Variants in NWD2 observed in about 807,000 individuals in gnomAD.
NWD2 encodes the protein NACHT and WD repeat domain-containing protein 2.
Under a neutral mutation model 132.7 loss-of-function variants are expected in NWD2, and 37 were observed. The ratio of observed to expected loss-of-function variants is 0.28; its 90% CI spans 0.21 to 0.37. The LOEUF is 0.37. NWD2 is among the 10% of genes least tolerant of loss of function. NWD2 has a pLI of 1.00. For synonymous variants in NWD2, 705 were observed against 803.0 expected, an observed-to-expected ratio of 0.88 and a Z score of 2.06; for missense variants, 1,592 against 2,122.4, an observed-to-expected ratio of 0.75 and a Z score of 4.91.
intron 2 of NWD2, among the ~76,000 whole-genome samples, chr4:37,352,462 T>G (rs1719789763): frequency 6.6e-6 from 1 of 152,116 alleles, no homozygotes; most frequent in South Asian, 2.1e-4. Flanking sequence ...GACAGAGGGG[T>G]GTTGAAGTCT....
chr4:37,299,380 G>A (rs1369790725), intron 1 of NWD2, among the ~76,000 whole-genome samples: 6 of 151,938 alleles, frequency 3.9e-5, no homozygotes, highest in Non-Finnish European at 2.9e-5. Context: ...TAAACTCCAT[G>A]TCTTTTTCTG....
intron 1 of NWD2, among the ~76,000 whole-genome samples, chr4:37,298,321 T>C (rs1446518457): frequency 6.6e-6 from 1 of 152,158 alleles, no homozygotes; most frequent in Non-Finnish European, 1.5e-5. Context: ...GCCATGTCTG[T>C]TTGATTATGG....
At chr4:37,308,384 C>T (rs373748713) in intron 1 of NWD2, among the ~76,000 whole-genome samples, 1 of 152,122 alleles carries the variant, frequency 6.6e-6, no homozygotes. Context: ...CCTATGAGTG[C>T]TTTAGTAGCC....
chr4:37,261,966 A>G (rs1209431474), intron 1 of NWD2, among the ~76,000 whole-genome samples: 1 of 152,254 alleles, frequency 6.6e-6, no homozygotes, highest in African/African-American at 2.4e-5. Context: ...GTGGCAGAGC[A>G]TGACTGGGGT....
At chr4:37,393,958 A>G (rs1720729308) in intron 3 of NWD2, among the ~76,000 whole-genome samples, 2 of 152,234 alleles carry the variant, frequency 1.3e-5, no homozygotes, top group African/African-American at 2.4e-5. Context: ...ATGGACCTGC[A>G]AACATGAGTG....
intron 4 of NWD2, among the ~76,000 whole-genome samples, chr4:37,431,285 A>G (rs1323028815): frequency 6.6e-6 from 1 of 152,222 alleles, no homozygotes; most frequent in African/African-American, 2.4e-5. Flanking sequence ...AAGAAAATGT[A>G]GAAGGAAATT....
intron 1 of NWD2, among the ~76,000 whole-genome samples, chr4:37,279,570 G>C (rs896673525): frequency 8.5e-5 from 13 of 152,100 alleles, no homozygotes; most frequent in Non-Finnish European, 1.5e-4. Flanking sequence ...GCATTATCTT[G>C]AAAATAATAT....
At chr4:37,337,780 T>C (rs1719440153) in intron 2 of NWD2, among the ~76,000 whole-genome samples, 1 of 152,194 alleles carries the variant, frequency 6.6e-6, no homozygotes, top group Non-Finnish European at 1.5e-5. Flanking sequence ...TCCATAGTTG[T>C]GTGAGGACAA....
chr4:37,288,090 C>A (rs1290554558), intron 1 of NWD2, among the ~76,000 whole-genome samples: 1 of 152,060 alleles, frequency 6.6e-6, no homozygotes, highest in Non-Finnish European at 1.5e-5. Flanking sequence ...TGTTCTCACT[C>A]GTAAGTGAGA....
intron 1 of NWD2, among the ~76,000 whole-genome samples, chr4:37,318,259 C>A (rs1718998858): frequency 6.6e-6 from 1 of 151,910 alleles, no homozygotes; most frequent in Non-Finnish European, 1.5e-5. Context: ...ACTCCTGACT[C>A]AGGCGATCCA....
At chr4:37,269,296 T>C (rs1459565292) in intron 1 of NWD2, among the ~76,000 whole-genome samples, 2 of 151,922 alleles carry the variant, frequency 1.3e-5, no homozygotes, top group African/African-American at 4.8e-5. Context: ...AAATGGTTGG[T>C]TGTACTTTTA....
In NWD2 at chr4:37,439,192, T is replaced by C. The variant is rs1158684231; in HGVS notation, c.1098T>C (p.Thr366=). 6.4e-7 allele frequency: 1 copy of C among 1,550,584 alleles called. No homozygotes were observed. Among genetic ancestry groups the C allele is most frequent in the Admixed American group, 2.0e-5 (1 of 50,766 alleles). ...ATIQQNFDTE[T]DTLYDEILQH... is the part of the protein sequence containing the mutation. ...TACAACAGAATTTTGACACTGAAACTGATACACTCTATGATGAAATCCTTC... is the reference window on the plus strand; with the variant it reads ...TACAACAGAATTTTGACACTGAAACCGATACACTCTATGATGAAATCCTTC... Residue 366 remains threonine, a synonymous_variant, in exon 6 of 7, where the codon ACT becomes ACC. Transcript: ENST00000309447. This position sits in a 1 kb window ranked among gnomAD's most constrained non-coding sequence, Gnocchi z 4.5.
Position 37,430,535 on chromosome 4 carries a change from GTGATACACTAAATTGAACTTTCTTGT to G in NWD2, c.358-28_358-3del. On this transcript the variant is annotated splice_polypyrimidine_tract_variant and intron_variant, in intron 3 of 6. Transcript: ENST00000309447. ...GTGAATACTAAAATGAACTTTCTTG[GTGATACACTAAATTGAACTTTCTTGT>G]TGATACACAGGGACTATTAGGTGAA... 2.1e-6 allele frequency: 3 copies of G among 1,442,314 alleles called. No individual in the cohort carries two copies. The highest frequency in any genetic ancestry group is 2.9e-6 in the Non-Finnish European group (3 of 1,048,598). 89.3% of individuals were successfully genotyped at this position (1,442,314 alleles called of 1,614,324 possible).
At chr4:37,332,243 C>G (rs1215230977) in intron 2 of NWD2, among the ~76,000 whole-genome samples, 1 of 152,122 alleles carries the variant, frequency 6.6e-6, no homozygotes, top group Non-Finnish European at 1.5e-5. Flanking sequence ...CCCCCAACCC[C>G]AGGCAGTGCA....
chr4:37,302,776 T>C (rs1203567627), intron 1 of NWD2, among the ~76,000 whole-genome samples: 1 of 152,166 alleles, frequency 6.6e-6, no homozygotes, highest in East Asian at 1.9e-4. Flanking sequence ...GAGAAATGTC[T>C]ATTCAGCTCA....
chr4:37,280,063 C>T (rs919812370), intron 1 of NWD2, among the ~76,000 whole-genome samples: 1 of 152,120 alleles, frequency 6.6e-6, no homozygotes, highest in Non-Finnish European at 1.5e-5. Flanking sequence ...ACAGAAAGTC[C>T]TCCCCTAATG....
chr4:37,350,083 C>T (rs1202971505), intron 2 of NWD2, among the ~76,000 whole-genome samples: 1 of 152,210 alleles, frequency 6.6e-6, no homozygotes, highest in Admixed American at 6.5e-5. Context: ...GTTTTCATTA[C>T]CGTAGCCTTG....
At position 37,433,911 on chromosome 4, in the gene NWD2, A is replaced by G. The variant is rs1489966417; in HGVS notation, c.597A>G (p.Thr199=). Residue 199 remains threonine, a synonymous_variant, in exon 5 of 7, where the codon ACA becomes ACG. Transcript: ENST00000309447. ...QPSTNAENEK[T]WQEISDEIKK... The stretch of plus-strand genomic sequence containing the variant: ...CTACCAATGCTGAAAACGAGAAGAC[A>G]TGGCAAGAGATATCAGATGAGATCA... The G allele has an allele frequency of 1.3e-6, 2 of 1,547,098 alleles. No individual in the cohort carries two copies. Among genetic ancestry groups the G allele is most frequent in the Admixed American group, 3.9e-5 (2 of 50,900 alleles).
intron 3 of NWD2, among the ~76,000 whole-genome samples, chr4:37,429,028 G>A (rs1015587329): frequency 2.4e-4 from 37 of 151,888 alleles, no homozygotes; most frequent in Non-Finnish European, 4.9e-4. Flanking sequence ...CACCAGGCCC[G>A]GCCTACACCA....
Sources: gnomAD v4.1 joint callset for allele counts (sites outside exome capture counted in the v4.1 genomes callset) on GRCh38, gnomAD v4.1.1 for gene constraint, Gnocchi (gnomAD v3.1) non-coding constraint, MANE v1.5 for transcripts, NCBI Gene and HGNC (gene_info 2026-07-23, HGNC 2026-07-21) for gene names.